TMEM178B: variants seen among roughly 807,000 people sequenced by gnomAD.
The protein encoded by TMEM178B is transmembrane protein 178B.
Under a neutral mutation model 31.0 loss-of-function variants are expected in TMEM178B, and 5 were observed. That is an observed-to-expected ratio of 0.16 (90% CI 0.08 to 0.34). The LOEUF is 0.34. Ranked by LOEUF, TMEM178B falls within the 10% of genes least tolerant of loss-of-function variation. The probability of loss-of-function intolerance (pLI) is 1.00; values close to 1 mark genes in which losing one functional copy is unlikely to be tolerated. For missense variants in TMEM178B, 275 were observed against 400.3 expected (o/e 0.69, Z 2.67); for synonymous variants, 164 against 164.0 (o/e 1.00, Z 0.00).
At chr7:141,191,047 A>C (rs1254754553) in intron 1 of TMEM178B, among the ~76,000 whole-genome samples, 1 of 152,192 alleles carries the variant, frequency 6.6e-6, no homozygotes, top group Non-Finnish European at 1.5e-5. Flanking sequence ...GATGAGAAAA[A>C]ATAACTGGTT....
At chr7:141,262,100 G>C (rs1274355543) in intron 2 of TMEM178B, among the ~76,000 whole-genome samples, 1 of 152,084 alleles carries the variant, frequency 6.6e-6, no homozygotes, top group Non-Finnish European at 1.5e-5. Context: ...AGAAGATAGA[G>C]GTGCCAAAAC....
At chr7:141,260,813 A>G (rs1009972152) in intron 2 of TMEM178B, among the ~76,000 whole-genome samples, 12 of 152,274 alleles carry the variant, frequency 7.9e-5, no homozygotes, top group Admixed American at 7.2e-4. Context: ...AGATAAAACC[A>G]TGTAAGATAT....
intron 1 of TMEM178B, among the ~76,000 whole-genome samples, chr7:141,124,810 G>A (rs1480266233): frequency 6.6e-6 from 1 of 152,130 alleles, no homozygotes; most frequent in African/African-American, 2.4e-5. Flanking sequence ...AACATACACT[G>A]TGTGAAATAA....
chr7:141,234,542 C>A (rs922223488), intron 2 of TMEM178B, among the ~76,000 whole-genome samples: 1 of 152,158 alleles, frequency 6.6e-6, no homozygotes. Flanking sequence ...CTCAGGCACA[C>A]CAGGGCTGTC....
Position 141,212,691 on chromosome 7 carries a change from G to A in TMEM178B, c.483G>A (p.Glu161=). The A allele has an allele frequency of 6.5e-7, 1 of 1,535,846 alleles. No individual in the cohort carries two copies. The highest frequency in any genetic ancestry group is 1.2e-5 in the South Asian group (1 of 84,052). ...TCACGAAGACCATCCGTCAGGATGA[G>A]TGGCATGCCCTACGTAAGTGCACCT... is the stretch of plus-strand genomic sequence containing the variant. ...FNITKTIRQD[E]WHALHLRRMT... Residue 161 remains glutamate (E), a synonymous_variant, in exon 2 of 4, where the codon GAG becomes GAA. Coordinates refer to ENST00000565468, the MANE Select transcript of TMEM178B (RefSeq NM_001195278.2).
intron 1 of TMEM178B, among the ~76,000 whole-genome samples, chr7:141,082,317 T>C (rs1794699892): frequency 6.6e-6 from 1 of 152,214 alleles, no homozygotes; most frequent in Admixed American, 6.5e-5. Context: ...CACAGGCTCT[T>C]TCTTTCTGCA....
At chr7:141,211,882 A>C (rs1563118975) in intron 1 of TMEM178B, among the ~76,000 whole-genome samples, 1 of 152,146 alleles carries the variant, frequency 6.6e-6, no homozygotes. Context: ...GAGAAGTTGC[A>C]CTTGTAGCAA....
the TMEM178B span, among the ~76,000 whole-genome samples, chr7:141,491,863 C>T: frequency 1.2e-4 from 18 of 152,276 alleles, no homozygotes; most frequent in African/African-American, 4.3e-4. Flanking sequence ...GCCCTTTCAC[C>T]TGCCTCCTCA....
intron 2 of TMEM178B, among the ~76,000 whole-genome samples, chr7:141,341,703 A>G (rs1412054932): frequency 1.3e-5 from 2 of 152,050 alleles, no homozygotes; most frequent in East Asian, 3.9e-4. Flanking sequence ...CATTTTAGTC[A>G]TTTACTTAGA....
chr7:141,282,534 A>G (rs953520519), intron 2 of TMEM178B, among the ~76,000 whole-genome samples: 50 of 152,340 alleles, frequency 3.3e-4, no homozygotes, highest in African/African-American at 1.1e-3. Context: ...TTGAAGAGGC[A>G]ATGCCTGATA....
At chr7:141,178,888 C>A (rs1215857897) in intron 1 of TMEM178B, among the ~76,000 whole-genome samples, 1 of 152,208 alleles carries the variant, frequency 6.6e-6, no homozygotes, top group African/African-American at 2.4e-5. Flanking sequence ...GAGGAAGCAG[C>A]AGCAGGCTCT....
At chr7:141,108,552 GATC>G (rs1222863713) in intron 1 of TMEM178B, among the ~76,000 whole-genome samples, 1 of 152,200 alleles carries the variant, frequency 6.6e-6, no homozygotes, top group Non-Finnish European at 1.5e-5. Context: ...AAGGATGCAA[GATC>G]ATCACCCAAG....
chr7:141,379,290 G>A (rs1800272312), intron 2 of TMEM178B, among the ~76,000 whole-genome samples: 1 of 147,596 alleles, frequency 6.8e-6, no homozygotes, highest in Non-Finnish European at 1.5e-5. Flanking sequence ...ATCATAGTGA[G>A]ACCCCTGTTT....
intron 2 of TMEM178B, among the ~76,000 whole-genome samples, chr7:141,425,516 C>T (rs1017866215): frequency 1.6e-4 from 25 of 152,332 alleles, no homozygotes; most frequent in Admixed American, 1.5e-3. Flanking sequence ...TACCTAAGCA[C>T]ACCTGGTTGG....
intron 1 of TMEM178B, among the ~76,000 whole-genome samples, chr7:141,152,084 T>C (rs1234057308): frequency 6.6e-6 from 1 of 152,208 alleles, no homozygotes; most frequent in Non-Finnish European, 1.5e-5. Flanking sequence ...GGCATGGCAC[T>C]GTGCAGGATT....
intron 2 of TMEM178B, among the ~76,000 whole-genome samples, chr7:141,216,475 G>GC (rs1491521309): frequency 1.2e-5 from 1 of 83,772 alleles, no homozygotes; most frequent in African/African-American, 3.1e-5. Flanking sequence ...GTGTGTGTGT[G>GC]GGTGTGTGGT....
chr7:141,148,980 A>G (rs10229231), intron 1 of TMEM178B, among the ~76,000 whole-genome samples: 8,596 of 152,274 alleles, frequency 0.056, 813 homozygotes, highest in African/African-American at 0.19. Flanking sequence ...GAGGAGCTCT[A>G]TGTGGCTGTG....
chr7:141,504,696 T>C, the TMEM178B span, among the ~76,000 whole-genome samples: 1 of 152,266 alleles, frequency 6.6e-6, no homozygotes, highest in Non-Finnish European at 1.5e-5. Flanking sequence ...ACAATCTTTC[T>C]TTTTTATTTC....
At chr7:141,143,396 C>T (rs934527873) in intron 1 of TMEM178B, among the ~76,000 whole-genome samples, 3 of 152,072 alleles carry the variant, frequency 2.0e-5, no homozygotes, top group Non-Finnish European at 2.9e-5. Flanking sequence ...TTTTTGTATA[C>T]GGTGAAAGGT....
Sources: allele counts gnomAD v4.1 joint callset (sites outside exome capture counted in the v4.1 genomes callset), GRCh38; gene constraint gnomAD v4.1.1; transcripts MANE v1.5; gene names NCBI Gene and HGNC (gene_info 2026-07-23, HGNC 2026-07-21).